ZNF208: variants seen among roughly 807,000 people sequenced by gnomAD.
ZNF208 encodes zinc finger protein 208.
ZNF208 carries 10 observed loss-of-function variants against 12.1 expected under a neutral mutation model. The observed-to-expected ratio is 0.83, with a 90% CI of 0.51 to 1.40. The LOEUF (loss-of-function observed/expected upper bound fraction) is 1.40. ZNF208 is among the 40% of genes most tolerant of loss of function. The pLI is 0.00. For synonymous variants in ZNF208, 497 were observed against 488.4 expected (o/e 1.02, Z -0.23); for missense variants, 1,652 against 1,485.0 (o/e 1.11, Z -1.85).
Position 21,974,787 on chromosome 19 carries a change from G to C in ZNF208, c.247C>G (p.Gln83Glu), listed in dbSNP as rs755085702. 8 of 1,562,902 alleles carry C rather than the reference G, an allele frequency of 5.1e-6. No individual in the cohort carries two copies. The East Asian group carries it at 6.8e-5, about 13-fold the overall frequency. Residue 83 changes from glutamine to glutamate, a missense_variant, in exon 4 of 4, where the codon CAA becomes GAA. Physicochemically the swap from Gln to Glu is conservative, Grantham distance 29 (BLOSUM62 2). Coordinates refer to ENST00000397126, the MANE Select transcript of ZNF208 (RefSeq NM_007153.3). ...ESPVICSHFA[Q>E]DLWPEQGIED... ...ATGCCCTGCTCTGGCCAAAGATCTT[G>C]AGCAAAATGAGAACATATAACTGAA...
chr19:21,997,025 T>C (rs1277767960), intron 1 of ZNF208, among the ~76,000 whole-genome samples: 2 of 152,218 alleles, frequency 1.3e-5, no homozygotes, highest in Non-Finnish European at 2.9e-5. Context: ...GCACCTTATG[T>C]GTTTGTATTA....
At chr19:21,948,410 A>G (rs1304471200) in intron 4 of ZNF208, among the ~76,000 whole-genome samples, 1 of 152,156 alleles carries the variant, frequency 6.6e-6, no homozygotes, top group Non-Finnish European at 1.5e-5. Context: ...TACAAAATAT[A>G]ATTACCAAAA....
intron 3 of ZNF208, among the ~76,000 whole-genome samples, chr19:21,983,693 T>C (rs1486404349): frequency 2.6e-5 from 4 of 152,106 alleles, no homozygotes; most frequent in Middle Eastern, 3.2e-3. Context: ...TGAGTTCATG[T>C]CCTTTCCAGG....
chr19:21,966,500 A>G lies in ZNF208; in HGVS notation c.*4691T>C, dbSNP rs528003725. ...ATAAGTACATCATTTTTCTTATCCA[A>G]TAAAAGATTCATGGGTAACTGGTTA... On this transcript the variant is annotated 3_prime_UTR_variant, in exon 4 of 4. Coordinates refer to ENST00000397126, the MANE Select transcript of ZNF208 (RefSeq NM_007153.3). 1 of 152,226 alleles carries G rather than the reference A, an allele frequency of 6.6e-6. No homozygotes were observed. The highest frequency in any genetic ancestry group is 2.1e-4 in the South Asian group (1 of 4,826). The allele number at this position is 152,226 out of a possible 1,614,324, so 9.4% of individuals were successfully genotyped here. A position where few individuals can be genotyped will look rare whatever the true frequency, so the allele number is the denominator to read the frequency against.
chr19:21,964,037 A>G (rs1488726877), downstream of ZNF208, among the ~76,000 whole-genome samples: 1 of 151,956 alleles, frequency 6.6e-6, no homozygotes, highest in Non-Finnish European at 1.5e-5. Context: ...TAGATATGTT[A>G]CTAAACAAAA....
At position 21,970,061 on chromosome 19, in the gene ZNF208, G is replaced by C. The variant is rs2145541964; in HGVS notation, c.*1130C>G. Among the ~76,000 whole-genome samples the C allele has an allele frequency of 6.6e-6, 1 of 152,278 alleles. No homozygotes were observed. Among genetic ancestry groups the C allele is most frequent in the South Asian group, 2.1e-4 (1 of 4,834 alleles). On this transcript the variant is annotated 3_prime_UTR_variant, in exon 4 of 4. Transcript: ENST00000397126. ...AGTTATCTTACCTACAATCAAGTGTGACAGCCACTTAAAGGCTTTGTCATA... is the reference window on the plus strand; with the variant it reads ...AGTTATCTTACCTACAATCAAGTGTCACAGCCACTTAAAGGCTTTGTCATA...
intron 3 of ZNF208, among the ~76,000 whole-genome samples, chr19:21,978,785 A>G (rs1970481221): frequency 6.6e-6 from 1 of 152,210 alleles, no homozygotes; most frequent in East Asian, 1.9e-4. Flanking sequence ...AACTCCTCCA[A>G]ACTAAAGGAG....
chr19:21,982,162 C>T (rs1599621824), intron 3 of ZNF208, among the ~76,000 whole-genome samples: 1 of 151,920 alleles, frequency 6.6e-6, no homozygotes, highest in Non-Finnish European at 1.5e-5. Flanking sequence ...TCGAGATCAT[C>T]CTGGCTAACA....
intron 1 of ZNF208, among the ~76,000 whole-genome samples, chr19:22,006,965 G>T (rs1402022770): frequency 6.6e-6 from 1 of 152,096 alleles, no homozygotes; most frequent in Non-Finnish European, 1.5e-5. Flanking sequence ...CAAGTTTCAT[G>T]ACATAAAATT....
At chr19:22,004,539 A>T (rs1971012443) in intron 1 of ZNF208, among the ~76,000 whole-genome samples, 1 of 152,286 alleles carries the variant, frequency 6.6e-6, no homozygotes, top group Non-Finnish European at 1.5e-5. Context: ...CAAATATGGT[A>T]CATAAACACC....
chr19:22,002,979 T>C (rs1188232774), intron 1 of ZNF208, among the ~76,000 whole-genome samples: 1 of 152,270 alleles, frequency 6.6e-6, no homozygotes, highest in South Asian at 2.1e-4. Flanking sequence ...CAAAGCAACA[T>C]GGTACTGGTA....
intron 1 of ZNF208, among the ~76,000 whole-genome samples, chr19:22,004,499 C>T (rs1170947266): frequency 6.6e-6 from 1 of 151,994 alleles, no homozygotes; most frequent in African/African-American, 2.4e-5. Flanking sequence ...AGTGACACAG[C>T]AAGATTCCAT....
chr19:21,989,006 G>C (rs966312887), intron 1 of ZNF208, 97 bp from the exon 2 acceptor site: 1 of 1,480,092 alleles, frequency 6.8e-7, no homozygotes. Context: ...AGCTGGTTCT[G>C]ACTTATAAGC....
At chr19:21,949,561 A>G (rs1436099652) in intron 4 of ZNF208, among the ~76,000 whole-genome samples, 1 of 152,190 alleles carries the variant, frequency 6.6e-6, no homozygotes, top group Non-Finnish European at 1.5e-5. Context: ...AAGCACCTAA[A>G]AACTCACTCG....
chr19:21,993,360 C>T (rs1249174617), intron 1 of ZNF208, among the ~76,000 whole-genome samples: 4 of 152,104 alleles, frequency 2.6e-5, no homozygotes, highest in Admixed American at 6.6e-5. Context: ...ATTCCTCATA[C>T]TTGATTCTGG....
At chr19:21,979,903 C>T (rs986699074) in intron 3 of ZNF208, among the ~76,000 whole-genome samples, 8 of 151,812 alleles carry the variant, frequency 5.3e-5, no homozygotes, top group African/African-American at 1.7e-4. Context: ...AAATGGAAAG[C>T]AAAAGAAAGC....
chr19:21,970,349 T>C lies in ZNF208; in HGVS notation c.*842A>G, dbSNP rs768802872. Among the ~76,000 whole-genome samples the C allele has an allele frequency of 1.3e-5, 2 of 152,180 alleles. No individual in the cohort carries two copies. ...AAGGGCATTGCAACATTCCACACAA[T>C]TGTAGGAATTCCCTCCAGTATGAAT... On this transcript the variant is annotated 3_prime_UTR_variant, in exon 4 of 4. Coordinates refer to ENST00000397126, the MANE Select transcript of ZNF208 (RefSeq NM_007153.3).
rs1419422368 is a variant in ZNF208, at chr19:21,971,485, G to T, written c.3549C>A (p.Ile1183=). ...TATGAATTACCTTATGTTTTGCAAGGATTGAGAACATAACAAAGCCTTTGC... is the reference window on the plus strand; with the variant it reads ...TATGAATTACCTTATGTTTTGCAAGTATTGAGAACATAACAAAGCCTTTGC... ...ECGKGFVMFS[I]LAKHKVIHTG... Residue 1183 remains isoleucine, a synonymous_variant, in exon 4 of 4, where the codon ATC becomes ATA. Coordinates refer to ENST00000397126, the MANE Select transcript of ZNF208 (RefSeq NM_007153.3). 1 of 1,611,168 alleles carries T rather than the reference G, an allele frequency of 6.2e-7. No individual in the cohort carries two copies. Among genetic ancestry groups the T allele is most frequent in the East Asian group, 2.2e-5 (1 of 44,800 alleles).
chr19:21,970,820 GA>G lies in ZNF208; in HGVS notation c.*370del. The G allele has an allele frequency of 6.8e-7, 1 of 1,468,178 alleles. No homozygotes were observed. Among genetic ancestry groups the G allele is most frequent in the Non-Finnish European group, 9.5e-7 (1 of 1,051,834 alleles). 90.9% of individuals were successfully genotyped at this position (1,468,178 alleles called of 1,614,324 possible). A position where few individuals can be genotyped will look rare whatever the true frequency, so the allele number is the denominator to read the frequency against. ...TTTTCTTATGTTTACTAAAGACTGA[GA>G]ACCAGCTGAAGGCTTTGCCACTTTC... On this transcript the variant is annotated 3_prime_UTR_variant, in exon 4 of 4. Transcript: ENST00000397126.
Sources: allele counts gnomAD v4.1 joint callset (sites outside exome capture counted in the v4.1 genomes callset), GRCh38; gene constraint gnomAD v4.1.1; transcripts MANE v1.5; gene names NCBI Gene and HGNC (gene_info 2026-07-23, HGNC 2026-07-21).